Variants in RTL9 observed in about 807,000 individuals in gnomAD.
RTL9 encodes retrotransposon Gag like 9, also known as retrotransposon Gag-like protein 9.
RTL9 carries 19 observed loss-of-function variants against 44.7 expected under a neutral mutation model. That is an observed-to-expected ratio of 0.42 (90% CI 0.30 to 0.62). The LOEUF is 0.62. Among genes scored for constraint, RTL9 ranks in the 20% least tolerant of loss-of-function variants. RTL9 has a pLI of 0.16. For missense variants in RTL9, 1,105 were observed against 1,080.6 expected, an observed-to-expected ratio of 1.02 and a Z score of -0.32; for synonymous variants, 407 against 398.9, an observed-to-expected ratio of 1.02 and a Z score of -0.24.
chrX:110,413,863 G>A, intron 1 of RTL9, among the ~76,000 whole-genome samples: 1 of 111,374 alleles, frequency 9.0e-6, no homozygotes, highest in East Asian at 2.8e-4. Flanking sequence ...ATATGTATGT[G>A]CCAGGCATAT....
At position 110,409,323 on chromosome X, in the gene RTL9, C is replaced by T. The variant is rs184165500; in HGVS notation, c.-167-35830C>T. Among the ~76,000 whole-genome samples, 198 of 111,297 alleles carry T rather than the reference C, an allele frequency of 1.8e-3. No individual in the cohort carries two copies. The Middle Eastern group carries it at 0.023, about 13-fold the overall frequency. ...TCAAGGCCCAGGGCTTCCTACAGTC[C>T]TCTTATCTTGAGACATGCTGGAGCC... On this transcript the variant is annotated intron_variant, in intron 1 of 2. Coordinates refer to the RTL9 transcript ENST00000520821.
At chrX:110,424,757 G>C (rs1303773158) in intron 1 of RTL9, among the ~76,000 whole-genome samples, 5 of 111,777 alleles carry the variant, frequency 4.5e-5, no homozygotes, top group African/African-American at 1.3e-4. Context: ...GTTTGAAAGA[G>C]GCAGGCCTGG....
At chrX:110,393,535 C>T (rs1246922872) in intron 1 of RTL9, among the ~76,000 whole-genome samples, 1 of 111,605 alleles carries the variant, frequency 9.0e-6, no homozygotes, top group Non-Finnish European at 1.9e-5. Flanking sequence ...CCCTCTGTCC[C>T]TCACTCCTAA....
chrX:110,455,467 C>T, exon 2 of RTL9: 7 of 689,366 alleles, frequency 1.0e-5, no homozygotes, highest in Non-Finnish European at 1.3e-5. Context: ...CCTTACCTCT[C>T]ACTTGGCTGA....
chrX:110,452,693 G>A, exon 1 of RTL9: 1 of 1,211,760 alleles, frequency 8.3e-7, no homozygotes, highest in East Asian at 3.0e-5. Flanking sequence ...CTGGAGGGAT[G>A]TCCATGCCAC....
chrX:110,407,384 G>T (rs761150924), intron 1 of RTL9, among the ~76,000 whole-genome samples: 1 of 112,127 alleles, frequency 8.9e-6, no homozygotes, highest in African/African-American at 3.3e-5. Flanking sequence ...TGGTCTAGAA[G>T]ATACAGTGCA....
intron 1 of RTL9, among the ~76,000 whole-genome samples, chrX:110,380,715 C>A (rs1196797851): frequency 3.6e-5 from 4 of 112,343 alleles, no homozygotes; most frequent in Non-Finnish European, 7.5e-5. Context: ...CTACAGGAAC[C>A]AAAACAGCAT....
At chrX:110,364,644 G>GA (rs1406462742) in intron 1 of RTL9, among the ~76,000 whole-genome samples, 25 of 111,629 alleles carry the variant, frequency 2.2e-4, no homozygotes, top group Admixed American at 1.8e-3. Context: ...GGCTAAAATG[G>GA]AAAAAATTGA....
chrX:110,390,727 A>G (rs2068488600), intron 1 of RTL9, among the ~76,000 whole-genome samples: 1 of 112,348 alleles, frequency 8.9e-6, no homozygotes, highest in East Asian at 2.8e-4. Context: ...CCAAGCAGCT[A>G]ATTAATCCAG....
chrX:110,430,885 T>C (rs1272456045), intron 1 of RTL9, among the ~76,000 whole-genome samples: 1 of 112,312 alleles, frequency 8.9e-6, no homozygotes, highest in Non-Finnish European at 1.9e-5. Context: ...TCTTTCACCT[T>C]GTGTTAAAAA....
chrX:110,379,056 C>G (rs2068399590), intron 1 of RTL9, among the ~76,000 whole-genome samples: 1 of 112,133 alleles, frequency 8.9e-6, no homozygotes, highest in Admixed American at 9.4e-5. Flanking sequence ...TCTCACTACT[C>G]AAATAAAGTT....
rs1028527613 is a variant in RTL9, at chrX:110,401,462, T to C, written c.-168+42546T>C. 2.7e-5 allele frequency among the ~76,000 whole-genome samples: 3 copies of C among 111,884 alleles called. No individual in the cohort carries two copies. The East Asian group carries it at 8.4e-4, about 31-fold the overall frequency. Reference sequence around the variant, plus strand: ...TGGTTTGTGTTTTCTGAAGGTAAACTGCCTTAACCTAACCTTTTCCAGAGC... The same window carrying C: ...TGGTTTGTGTTTTCTGAAGGTAAACCGCCTTAACCTAACCTTTTCCAGAGC... On this transcript the variant is annotated intron_variant, in intron 1 of 2. Coordinates refer to the RTL9 transcript ENST00000520821.
chrX:110,383,567 C>A (rs1420626512), intron 1 of RTL9, among the ~76,000 whole-genome samples: 1 of 111,470 alleles, frequency 9.0e-6, no homozygotes, highest in Non-Finnish European at 1.9e-5. Context: ...ATACCCTAAA[C>A]TCCAGTCATA....
chrX:110,456,009 T>A (rs1356710858), exon 2 of RTL9: 2 of 112,768 alleles, frequency 1.8e-5, no homozygotes, highest in East Asian at 5.6e-4. Context: ...GCTTCTGACC[T>A]CTTGATCTGT....
chrX:110,381,841 T>A (rs1295067486), intron 1 of RTL9, among the ~76,000 whole-genome samples: 2 of 110,724 alleles, frequency 1.8e-5, no homozygotes, highest in African/African-American at 6.6e-5. Context: ...TTCTCACTTA[T>A]AAGTGGGAGC....
chrX:110,452,232 CT>C lies in RTL9; in HGVS notation c.1616del (p.Leu539ArgfsTer3), dbSNP rs1569433926. 8.3e-7 allele frequency: 1 copy of C among 1,211,876 alleles called. No homozygotes were observed. The highest frequency in any genetic ancestry group is 3.0e-5 in the East Asian group (1 of 33,823). On this transcript the variant is annotated frameshift_variant, in exon 1 of 2. Transcript: ENST00000540313. LOFTEE classifies it high-confidence loss of function. ...CCCAGCCTCTGGATCAATGTCCATG[CT>C]GCAAATGAGAGCCCCTGTCTCTGAA...
intron 1 of RTL9, among the ~76,000 whole-genome samples, chrX:110,378,972 AT>A (rs2068398772): frequency 1.8e-5 from 2 of 111,250 alleles, no homozygotes; most frequent in South Asian, 7.7e-4. Context: ...CTCGTGAAAC[AT>A]TAACCTCTCC....
intron 1 of RTL9, among the ~76,000 whole-genome samples, chrX:110,362,709 T>A (rs959302507): frequency 3.6e-5 from 4 of 112,092 alleles, no homozygotes; most frequent in African/African-American, 1.3e-4. Context: ...TGTTCTTTCA[T>A]ACTTCCTTGG....
chrX:110,450,342 C>T (rs1265201015), upstream of RTL9, among the ~76,000 whole-genome samples: 1 of 111,591 alleles, frequency 9.0e-6, no homozygotes, highest in Admixed American at 9.5e-5. Context: ...ATAGCATTTA[C>T]AAACTGAGAG....
Sources: allele counts gnomAD v4.1 joint callset (sites outside exome capture counted in the v4.1 genomes callset), GRCh38; gene constraint gnomAD v4.1.1; transcripts MANE v1.5; gene names NCBI Gene and HGNC (gene_info 2026-07-23, HGNC 2026-07-21).